The following PARVG variants were observed in gnomAD, a reference collection of about 807,000 sequenced individuals.
The protein encoded by PARVG is parvin gamma.
In PARVG, 36 loss-of-function variants were observed where a neutral mutation model predicts 44.4. The ratio of observed to expected loss-of-function variants is 0.81; its 90% CI spans 0.62 to 1.07. The LOEUF (loss-of-function observed/expected upper bound fraction) is 1.07, where lower values mean the gene tolerates loss of function less well. PARVG is among the 50% of genes least tolerant of loss of function. The pLI, the probability that PARVG is intolerant of heterozygous loss-of-function variation, is 0.00. For missense variants in PARVG, 407 were observed against 407.4 expected (o/e 1.00, Z 0.01); for synonymous variants, 170 against 174.1 (o/e 0.98, Z 0.19).
At chr22:44,193,881 C>G in intron 9 of PARVG, 58 bp downstream of exon 9, 1 of 1,593,728 alleles carries the variant, frequency 6.3e-7, no homozygotes, top group Non-Finnish European at 8.6e-7. Context: ...TTAATGCAGA[C>G]AAGTCTTAAT....
chr22:44,185,686 C>A, intron 3 of PARVG, 122 bp from the exon 4 acceptor site: 1 of 736,474 alleles, frequency 1.4e-6, no homozygotes, highest in Non-Finnish European at 2.3e-6. Context: ...CACGCTGGGG[C>A]GGAAGTGGCA....
chr22:44,186,589 A>T, intron 4 of PARVG: 2 of 471,168 alleles, frequency 4.2e-6, no homozygotes, highest in South Asian at 3.1e-5. Context: ...CACCTGGCCC[A>T]GCCCTGTGAC....
At chr22:44,185,519 C>T in intron 3 of PARVG, 1 of 302,272 alleles carries the variant, frequency 3.3e-6, no homozygotes, top group Non-Finnish European at 6.5e-6. Context: ...TTTCACTTTA[C>T]CTAAATAGGT....
chr22:44,192,398 GTGTGAGCAGGA>G (rs2054560611), intron 8 of PARVG, among the ~76,000 whole-genome samples: 2 of 152,234 alleles, frequency 1.3e-5, no homozygotes, highest in Non-Finnish European at 2.9e-5. Context: ...TGTCTCTCTA[GTGTGAGCAGGA>G]TGTTCCTCTT....
At chr22:44,199,142 C>T (rs2054671110) in intron 12 of PARVG, among the ~76,000 whole-genome samples, 1 of 151,342 alleles carries the variant, frequency 6.6e-6, no homozygotes, top group South Asian at 2.1e-4. Context: ...CCTGTCCATC[C>T]ACCTACCTGC....
intron 5 of PARVG, chr22:44,188,193 C>G (rs1252145931): frequency 2.6e-6 from 1 of 384,548 alleles, no homozygotes; most frequent in Non-Finnish European, 4.9e-6. Flanking sequence ...ACAAAAGAAC[C>G]CATGATCCCT....
intron 12 of PARVG, among the ~76,000 whole-genome samples, 183 bp downstream of exon 12, chr22:44,198,905 T>C (rs1355908451): frequency 1.6e-5 from 2 of 127,574 alleles, no homozygotes; most frequent in South Asian, 2.6e-4. Flanking sequence ...TATCCATCCA[T>C]CTACCCATCC....
Position 44,206,748 on chromosome 22 carries a change from T to G in PARVG, c.*322T>G. On this transcript the variant is annotated 3_prime_UTR_variant, in exon 14 of 14. Transcript: ENST00000444313. ...GTGTGTCACATCAGTCTCTCATCTC[T>G]GGGCCCAGGCTAGTGACCGCCCAGA... The G allele has an allele frequency of 3.0e-6, 1 of 329,428 alleles. No individual in the cohort carries two copies. Among genetic ancestry groups the G allele is most frequent in the Non-Finnish European group, 5.7e-6 (1 of 175,658 alleles). The allele number at this position is 329,428 out of a possible 1,614,324, so 20.4% of individuals were successfully genotyped here.
At chr22:44,187,642 A>C (rs2054491948) in intron 4 of PARVG, 134 bp from the exon 5 acceptor site, 1 of 788,940 alleles carries the variant, frequency 1.3e-6, no homozygotes, top group East Asian at 2.7e-5. Flanking sequence ...AGGGCTTCCC[A>C]GTGGAGGTGA....
chr22:44,173,919 G>A (rs73426418), intron 1 of PARVG, among the ~76,000 whole-genome samples: 4,023 of 152,326 alleles, frequency 0.026, 184 homozygotes, highest in African/African-American at 0.092. Flanking sequence ...AAGCCCTGCA[G>A]TAGAGTGCCA....
chr22:44,183,288 G>A (rs950333864), intron 2 of PARVG, 30 bp from the exon 3 acceptor site: 15 of 1,575,030 alleles, frequency 9.5e-6, no homozygotes, highest in East Asian at 2.3e-5. Context: ...TTCTCAGACC[G>A]TGACGCCCTC....
upstream of PARVG, among the ~76,000 whole-genome samples, chr22:44,178,030 G>A (rs760500150): frequency 6.6e-6 from 1 of 152,170 alleles, no homozygotes; most frequent in Non-Finnish European, 1.5e-5. Flanking sequence ...ACAGGAAACA[G>A]TTACTTCAGA....
chr22:44,187,607 C>A lies in PARVG; in HGVS notation c.145-169C>A, dbSNP rs930976008. On this transcript the variant is annotated intron_variant, in intron 4 of 13. Coordinates refer to ENST00000444313, the MANE Select transcript of PARVG (RefSeq NM_022141.7). ...GGAGTCTGCAGGAACCTGGGGCAGGCCCCTAACAGCCTGGGAGATCAAGGA... is the reference window on the plus strand; with the variant it reads ...GGAGTCTGCAGGAACCTGGGGCAGGACCCTAACAGCCTGGGAGATCAAGGA... 5 of 656,424 alleles carry A rather than the reference C, an allele frequency of 7.6e-6. No homozygotes were observed. In the African/African-American group the frequency reaches 8.9e-5, roughly 12 times the overall value. 40.7% of individuals were successfully genotyped at this position (656,424 alleles called of 1,614,324 possible).
exon 1 of PARVG, chr22:44,173,162 G>A (rs2054286143): frequency 7.8e-7 from 1 of 1,282,030 alleles, no homozygotes; most frequent in Non-Finnish European, 1.0e-6. Flanking sequence ...GGACCACAAG[G>A]AGAAGAGGGC....
Position 44,206,364 on chromosome 22 carries a change from C to T in PARVG, c.934C>T (p.Leu312=). ...AKSTLRVLYG[L]FCKHTQKAHR... ...GAGCACACTGAGGGTGCTCTATGGT[C>T]TGTTCTGCAAGCACACGCAGAAGGC... The change falls in exon 14 of 14, where the codon CTG becomes TTG. Residue 312 remains leucine, a synonymous_variant. Coordinates refer to ENST00000444313, the MANE Select transcript of PARVG (RefSeq NM_022141.7). The T allele has an allele frequency of 1.2e-6, 2 of 1,614,014 alleles. No homozygotes were observed. Among genetic ancestry groups the T allele is most frequent in the Admixed American group, 1.7e-5 (1 of 60,026 alleles).
At chr22:44,174,476 G>A (rs1305584090) in intron 1 of PARVG, among the ~76,000 whole-genome samples, 1 of 151,982 alleles carries the variant, frequency 6.6e-6, no homozygotes, top group Admixed American at 6.6e-5. Flanking sequence ...GGAGGCCGAG[G>A]TGGGCTGATC....
chr22:44,193,770 C>A (rs946723129), intron 8 of PARVG, 31 bp from the exon 9 acceptor site: 2 of 1,609,320 alleles, frequency 1.2e-6, no homozygotes, highest in South Asian at 1.1e-5. Flanking sequence ...TTTTTTTAAC[C>A]ATTTGTTTGC....
chr22:44,192,166 G>A (rs1009313036), intron 8 of PARVG, 62 bp downstream of exon 8: 19 of 1,559,338 alleles, frequency 1.2e-5, no homozygotes, highest in Non-Finnish European at 1.5e-5. Context: ...TGGGGGCAGG[G>A]TGGGGGCCAG....
chr22:44,205,948 C>T, intron 13 of PARVG, 119 bp downstream of exon 13: 2 of 1,227,806 alleles, frequency 1.6e-6, no homozygotes, highest in Admixed American at 2.0e-5. Flanking sequence ...GTCCTCTTGC[C>T]TGGCAGGGGT....
Sources: allele counts gnomAD v4.1 joint callset (sites outside exome capture counted in the v4.1 genomes callset), GRCh38; gene constraint gnomAD v4.1.1; transcripts MANE v1.5; gene names NCBI Gene and HGNC (gene_info 2026-07-23, HGNC 2026-07-21).